The following SLAIN1 variants were observed in gnomAD, a reference collection of about 807,000 sequenced individuals.
SLAIN1 encodes the protein SLAIN motif-containing protein 1.
Under a neutral mutation model 55.4 loss-of-function variants are expected in SLAIN1, and 17 were observed. The ratio of observed to expected loss-of-function variants is 0.31; its 90% CI spans 0.21 to 0.46. The LOEUF is 0.46. Among genes scored for constraint, SLAIN1 ranks in the 20% least tolerant of loss-of-function variants. The pLI is 1.00. For synonymous variants in SLAIN1, 348 were observed against 337.4 expected (o/e 1.03, Z -0.35); for missense variants, 682 against 785.1 (o/e 0.87, Z 1.57).
At chr13:77,752,952 G>A (rs1874341506) in intron 4 of SLAIN1, among the ~76,000 whole-genome samples, 1 of 152,118 alleles carries the variant, frequency 6.6e-6, no homozygotes, top group African/African-American at 2.4e-5. Context: ...ACACCCAGGA[G>A]CAATGCTTTA....
intron 4 of SLAIN1, 131 bp downstream of exon 4, chr13:77,746,986 G>A (rs1185688901): frequency 2.5e-6 from 2 of 784,394 alleles, no homozygotes; most frequent in East Asian, 2.7e-5. Flanking sequence ...GAGTGCAGTG[G>A]CACGATCTCA....
rs184802040 is a variant in SLAIN1 at position 77,753,753 on chromosome 13, C to T, written c.1414+395C>T. On this transcript the variant is annotated intron_variant, in intron 5 of 6. Transcript: ENST00000418532. ...AATTGTTTTCCTTGCAGATCCTCCTCCTTCTAGCTGTCTACCTGAATAAGC... is the reference window on the plus strand; with the variant it reads ...AATTGTTTTCCTTGCAGATCCTCCTTCTTCTAGCTGTCTACCTGAATAAGC... Among the ~76,000 whole-genome samples the T allele has an allele frequency of 1.0e-3, 159 of 152,308 alleles. 1 individual carries two copies. The highest frequency in any genetic ancestry group is 1.8e-3 in the Non-Finnish European group (121 of 68,020).
chr13:77,743,041 T>C (rs1873563288), intron 2 of SLAIN1: 1 of 1,298,116 alleles, frequency 7.7e-7, no homozygotes, highest in Non-Finnish European at 1.0e-6. Context: ...GTCTCTTCTC[T>C]TCAACTGCCT....
intron 2 of SLAIN1, among the ~76,000 whole-genome samples, chr13:77,725,180 C>T (rs1264140215): frequency 6.6e-6 from 1 of 152,142 alleles, no homozygotes; most frequent in African/African-American, 2.4e-5. Flanking sequence ...CTCTTATATT[C>T]AGGGCATAGA....
chr13:77,748,322 A>G (rs993197761), intron 4 of SLAIN1, among the ~76,000 whole-genome samples: 5 of 151,138 alleles, frequency 3.3e-5, no homozygotes, highest in African/African-American at 7.3e-5. Context: ...CAGAAAGACA[A>G]TGTATTCCAT....
intron 5 of SLAIN1, 140 bp from the exon 6 acceptor site, chr13:77,760,688 G>A: frequency 3.5e-6 from 3 of 866,468 alleles, no homozygotes; most frequent in Non-Finnish European, 5.3e-6. Flanking sequence ...TCTCAGTGCT[G>A]TCTGGAACCT....
At chr13:77,704,117 T>A (rs867851208) in intron 1 of SLAIN1, among the ~76,000 whole-genome samples, 7 of 128,350 alleles carry the variant, frequency 5.5e-5, no homozygotes, top group Non-Finnish European at 1.1e-4. Context: ...ACATAGAAAA[T>A]ATATATACAT....
In SLAIN1 at chr13:77,698,672, G is replaced by T; in HGVS notation, c.626+133G>T. On this transcript the variant is annotated intron_variant, in intron 1 of 6. Coordinates refer to ENST00000418532, the MANE Select transcript of SLAIN1 (RefSeq NM_001242868.2). This position sits in a 1 kb window ranked among gnomAD's most constrained non-coding sequence, Gnocchi z 4.1. Reference sequence around the variant, plus strand: ...ACTCCCCGCGGCTCCCGGAGGGGCCGACCCAGCAGGTGTTGAGCCAGGCGG... The same window carrying T: ...ACTCCCCGCGGCTCCCGGAGGGGCCTACCCAGCAGGTGTTGAGCCAGGCGG... The T allele has an allele frequency of 8.0e-7, 1 of 1,254,402 alleles. No individual in the cohort carries two copies. The highest frequency in any genetic ancestry group is 2.3e-5 in the South Asian group (1 of 43,944). 77.7% of individuals were successfully genotyped at this position (1,254,402 alleles called of 1,614,324 possible). A position where few individuals can be genotyped will look rare whatever the true frequency, so the allele number is the denominator to read the frequency against.
At chr13:77,718,389 G>A (rs1389550126) in intron 1 of SLAIN1, among the ~76,000 whole-genome samples, 1 of 152,132 alleles carries the variant, frequency 6.6e-6, no homozygotes, top group African/African-American at 2.4e-5. Flanking sequence ...GAATGGCAGG[G>A]CTGAGTAGTT....
At chr13:77,752,241 T>C (rs879090298) in intron 4 of SLAIN1, among the ~76,000 whole-genome samples, 2 of 151,730 alleles carry the variant, frequency 1.3e-5, no homozygotes, top group Non-Finnish European at 2.9e-5. Context: ...CATTTTGATA[T>C]GGTAGCAAAA....
chr13:77,699,871 T>C (rs921644249), intron 1 of SLAIN1, among the ~76,000 whole-genome samples: 1 of 111,486 alleles, frequency 9.0e-6, no homozygotes, highest in African/African-American at 4.0e-5. Context: ...TAATCTCAGT[T>C]TCAGTCTGAA....
At chr13:77,741,339 T>G (rs1873422652) in intron 2 of SLAIN1, 1 of 987,336 alleles carries the variant, frequency 1.0e-6, no homozygotes, top group South Asian at 4.7e-5. Flanking sequence ...TAACCCCTAG[T>G]TTGTAGTGTA....
At chr13:77,729,443 G>T (rs1317007863) in intron 2 of SLAIN1, among the ~76,000 whole-genome samples, 1 of 151,642 alleles carries the variant, frequency 6.6e-6, no homozygotes, top group African/African-American at 2.4e-5. Flanking sequence ...CAAAGTAGTT[G>T]TCTACTGCTT....
At chr13:77,740,755 TACAA>T (rs2154410274) in intron 2 of SLAIN1, among the ~76,000 whole-genome samples, 1 of 152,200 alleles carries the variant, frequency 6.6e-6, no homozygotes, top group African/African-American at 2.4e-5. Context: ...TGCTCTTTTT[TACAA>T]GTTCTTTTTG....
chr13:77,704,407 G>T (rs201307437), intron 1 of SLAIN1, among the ~76,000 whole-genome samples: 1 of 160 alleles, frequency 6.3e-3, no homozygotes, highest in Non-Finnish European at 9.8e-3. Flanking sequence ...TGTATATACA[G>T]AGGTTTTATA....
intron 1 of SLAIN1, among the ~76,000 whole-genome samples, chr13:77,704,171 T>C (rs867941207): frequency 3.1e-5 from 4 of 130,074 alleles, no homozygotes; most frequent in African/African-American, 5.7e-5. Flanking sequence ...TATATACATA[T>C]GTTTTATATG....
At chr13:77,727,882 G>A (rs1350811257) in intron 2 of SLAIN1, among the ~76,000 whole-genome samples, 1 of 152,132 alleles carries the variant, frequency 6.6e-6, no homozygotes, top group Non-Finnish European at 1.5e-5. Flanking sequence ...CATTCCTAAT[G>A]TACAGATTTT....
At chr13:77,728,268 G>A (rs1435621136) in intron 2 of SLAIN1, among the ~76,000 whole-genome samples, 2 of 152,098 alleles carry the variant, frequency 1.3e-5, no homozygotes, top group Non-Finnish European at 2.9e-5. Context: ...GCTAATCTAG[G>A]GTCTTTGGTA....
chr13:77,732,671 A>T (rs79462862), intron 2 of SLAIN1, among the ~76,000 whole-genome samples: 10 of 147,174 alleles, frequency 6.8e-5, no homozygotes, highest in Non-Finnish European at 1.5e-4. Context: ...TTACTACTAC[A>T]TTTTTTTTTT....
Sources: allele counts gnomAD v4.1 joint callset (sites outside exome capture counted in the v4.1 genomes callset), GRCh38; gene constraint gnomAD v4.1.1; non-coding constraint Gnocchi (gnomAD v3.1); transcripts MANE v1.5; gene names NCBI Gene and HGNC (gene_info 2026-07-23, HGNC 2026-07-21).